IL1RAPL2: variants seen among roughly 807,000 people sequenced by gnomAD.
IL1RAPL2 encodes interleukin 1 receptor accessory protein like 2.
IL1RAPL2 carries 3 observed loss-of-function variants against 44.1 expected under a neutral mutation model. That is an observed-to-expected ratio of 0.07 (90% CI 0.03 to 0.18). IL1RAPL2 has a LOEUF of 0.18. Among genes scored for constraint, IL1RAPL2 ranks in the 10% least tolerant of loss-of-function variants. The pLI is 1.00. For missense variants in IL1RAPL2, 391 were observed against 496.4 expected (o/e 0.79, Z 2.02); for synonymous variants, 181 against 178.8 (o/e 1.01, Z -0.10).
At chrX:104,927,537 C>T (rs1396146252) in intron 2 of IL1RAPL2, among the ~76,000 whole-genome samples, 1 of 111,492 alleles carries the variant, frequency 9.0e-6, no homozygotes, top group Non-Finnish European at 1.9e-5. Context: ...GAACCATTTT[C>T]CCAAATTCAC....
intron 2 of IL1RAPL2, among the ~76,000 whole-genome samples, chrX:105,174,904 G>A (rs1449600788): frequency 8.9e-6 from 1 of 111,842 alleles, no homozygotes; most frequent in Non-Finnish European, 1.9e-5. Context: ...TACTAGTTAT[G>A]TGTGATAATT....
At chrX:105,762,174 G>T (rs2038693059) in intron 10 of IL1RAPL2, among the ~76,000 whole-genome samples, 1 of 111,867 alleles carries the variant, frequency 8.9e-6, no homozygotes, top group Admixed American at 9.5e-5. Flanking sequence ...GGCATAATTT[G>T]CTTTTAAGTC....
chrX:104,738,987 A>G (rs916779290), intron 2 of IL1RAPL2, among the ~76,000 whole-genome samples: 8 of 111,456 alleles, frequency 7.2e-5, no homozygotes, highest in Admixed American at 6.7e-4. Flanking sequence ...TGATACCGAG[A>G]ATGATGTAGT....
At chrX:105,055,828 G>T (rs1402816557) in intron 2 of IL1RAPL2, among the ~76,000 whole-genome samples, 2 of 111,356 alleles carry the variant, frequency 1.8e-5, no homozygotes, top group East Asian at 2.8e-4. Context: ...CAGTGGGTTT[G>T]CCTAGTTGGA....
chrX:105,014,296 C>T (rs1047191576), intron 2 of IL1RAPL2, among the ~76,000 whole-genome samples: 6 of 109,879 alleles, frequency 5.5e-5, no homozygotes, highest in Admixed American at 9.7e-5. Flanking sequence ...GTATATGTTC[C>T]AAGCTAAGGT....
chrX:105,207,463 A>T (rs1187587317), intron 3 of IL1RAPL2, among the ~76,000 whole-genome samples: 2 of 111,738 alleles, frequency 1.8e-5, no homozygotes, highest in Non-Finnish European at 3.8e-5. Flanking sequence ...AACCCACAGC[A>T]ACAAAAATCA....
chrX:104,735,997 T>A (rs1471184211), intron 2 of IL1RAPL2, among the ~76,000 whole-genome samples: 1 of 111,067 alleles, frequency 9.0e-6, no homozygotes, highest in African/African-American at 3.3e-5. Flanking sequence ...CACACACCAT[T>A]TACTGTAGTC....
intron 5 of IL1RAPL2, among the ~76,000 whole-genome samples, chrX:105,385,625 A>G (rs1338539987): frequency 8.9e-6 from 1 of 111,737 alleles, no homozygotes; most frequent in East Asian, 2.8e-4. Flanking sequence ...GAAAGGGGCA[A>G]CAACATTTAC....
chrX:104,843,206 C>T (rs186127739), intron 2 of IL1RAPL2, among the ~76,000 whole-genome samples: 2 of 111,771 alleles, frequency 1.8e-5, no homozygotes, highest in African/African-American at 6.5e-5. Flanking sequence ...TAGCACTGTC[C>T]GGGGAAAACC....
At chrX:104,623,823 G>A (rs1053925155) in intron 1 of IL1RAPL2, among the ~76,000 whole-genome samples, 2 of 111,862 alleles carry the variant, frequency 1.8e-5, no homozygotes, top group East Asian at 5.6e-4. Flanking sequence ...TCAGTTTATC[G>A]CATTCAGAGC....
intron 5 of IL1RAPL2, among the ~76,000 whole-genome samples, chrX:105,276,784 C>T (rs1206501580): frequency 8.9e-6 from 1 of 111,973 alleles, no homozygotes; most frequent in Non-Finnish European, 1.9e-5. Context: ...GTGTGACTGA[C>T]TCAGACTCTG....
chrX:105,627,704 T>A (rs2037462923), intron 6 of IL1RAPL2, among the ~76,000 whole-genome samples: 1 of 112,036 alleles, frequency 8.9e-6, no homozygotes, highest in Admixed American at 9.5e-5. Context: ...GTTGTGCTGA[T>A]CACCATTTGA....
At chrX:104,643,156 C>G (rs763509564) in intron 1 of IL1RAPL2, among the ~76,000 whole-genome samples, 90 of 111,841 alleles carry the variant, frequency 8.0e-4, no homozygotes, top group African/African-American at 2.8e-3. Flanking sequence ...TTGATAGATG[C>G]TACCAATGTT....
chrX:105,283,912 A>G (rs1427731599), intron 5 of IL1RAPL2, among the ~76,000 whole-genome samples: 1 of 111,411 alleles, frequency 9.0e-6, no homozygotes, highest in Non-Finnish European at 1.9e-5. Flanking sequence ...AGAATTGTGA[A>G]CAGTATAAGA....
intron 2 of IL1RAPL2, among the ~76,000 whole-genome samples, chrX:104,827,233 C>T (rs1308308334): frequency 9.1e-6 from 1 of 110,476 alleles, no homozygotes; most frequent in Non-Finnish European, 1.9e-5. Context: ...ATGGTCTTTA[C>T]ATTTTGGTTT....
intron 10 of IL1RAPL2, among the ~76,000 whole-genome samples, chrX:105,764,880 G>A (rs1213321298): frequency 8.9e-6 from 1 of 111,811 alleles, no homozygotes; most frequent in African/African-American, 3.3e-5. Context: ...GTTCCTAGAG[G>A]TACACTTTAT....
intron 2 of IL1RAPL2, among the ~76,000 whole-genome samples, chrX:105,144,908 C>T (rs1226512598): frequency 1.8e-5 from 2 of 110,991 alleles, no homozygotes; most frequent in African/African-American, 6.6e-5. Context: ...TAGTCAGGTA[C>T]CTCTTCTTGC....
At chrX:104,568,972 C>T (rs1490053720) in intron 1 of IL1RAPL2, among the ~76,000 whole-genome samples, 4 of 112,036 alleles carry the variant, frequency 3.6e-5, no homozygotes. Context: ...CCTGCAATTA[C>T]TGAGGTGGAA....
intron 2 of IL1RAPL2, among the ~76,000 whole-genome samples, chrX:104,938,063 A>G (rs1485866693): frequency 8.9e-6 from 1 of 112,487 alleles, no homozygotes; most frequent in Non-Finnish European, 1.9e-5. Flanking sequence ...AATGGCTTTA[A>G]GTTTTGATTA....
Sources: allele counts gnomAD v4.1 joint callset (sites outside exome capture counted in the v4.1 genomes callset), GRCh38; gene constraint gnomAD v4.1.1; transcripts MANE v1.5; gene names NCBI Gene and HGNC (gene_info 2026-07-23, HGNC 2026-07-21).